Variants in CDH4 observed in about 807,000 individuals in gnomAD.
The protein encoded by CDH4 is cadherin 4, also known as cadherin-4.
A neutral mutation model predicts 86.0 loss-of-function variants in CDH4; 33 were observed. The ratio of observed to expected loss-of-function variants is 0.38; its 90% confidence interval spans 0.29 to 0.51. The LOEUF (loss-of-function observed/expected upper bound fraction) is 0.51, where lower values mean the gene tolerates loss of function less well. Ranked by LOEUF, CDH4 falls within the 20% of genes least tolerant of loss-of-function variation. The pLI is 0.86. For missense variants in CDH4, 1,114 were observed against 1,307.4 expected, an observed-to-expected ratio of 0.85 and a Z score of 2.28; for synonymous variants, 555 against 549.4, an observed-to-expected ratio of 1.01 and a Z score of -0.14.
intron 2 of CDH4, among the ~76,000 whole-genome samples, chr20:61,396,407 A>G (rs751700662): frequency 6.6e-6 from 1 of 152,170 alleles, no homozygotes; most frequent in Non-Finnish European, 1.5e-5. Flanking sequence ...GCTCAGGAGG[A>G]TCTGGAAAGC....
rs142150979 is a variant in CDH4, at chr20:61,323,064, G to A, written c.169+68127G>A. Reference sequence around the variant, plus strand: ...GGGCCTGAGCTTATCTGCCCAGGACGCACTGCCGGATATACCCCTCGCCTC... The same window carrying A: ...GGGCCTGAGCTTATCTGCCCAGGACACACTGCCGGATATACCCCTCGCCTC... On this transcript the variant is annotated intron_variant, in intron 2 of 15. Coordinates refer to ENST00000614565, the MANE Select transcript of CDH4 (RefSeq NM_001794.5). Among the ~76,000 whole-genome samples, 1,246 of 152,268 alleles carry A rather than the reference G, an allele frequency of 8.2e-3. 9 individuals carry two copies. The highest frequency in any genetic ancestry group is 0.013 in the Non-Finnish European group (894 of 68,024).
chr20:61,634,957 C>T (rs1169605822), intron 2 of CDH4, among the ~76,000 whole-genome samples: 1 of 152,130 alleles, frequency 6.6e-6, no homozygotes, highest in Non-Finnish European at 1.5e-5. Context: ...TGTTCCGAAG[C>T]GTGTGTCGGA....
intron 4 of CDH4, 67 bp downstream of exon 4, chr20:61,773,249 C>A: frequency 7.0e-7 from 1 of 1,420,256 alleles, no homozygotes; most frequent in Non-Finnish European, 9.4e-7. Flanking sequence ...CTCCCGACAT[C>A]CCAAAGCCAG....
intron 2 of CDH4, among the ~76,000 whole-genome samples, chr20:61,320,363 C>G (rs2084501338): frequency 6.6e-6 from 1 of 152,206 alleles, no homozygotes; most frequent in East Asian, 1.9e-4. Context: ...TTTTTCTAGT[C>G]CCTGGGGGCT....
intron 2 of CDH4, among the ~76,000 whole-genome samples, chr20:61,272,099 GT>G (rs1375491917): frequency 6.6e-6 from 1 of 152,214 alleles, no homozygotes; most frequent in Non-Finnish European, 1.5e-5. Flanking sequence ...CCCAAGAAGA[GT>G]TTTTTCATGC....
Position 61,565,405 on chromosome 20 carries a change from C to CTGGTGCTCTT in CDH4, c.170-178158_170-178157insTGGTGCTCTT, listed in dbSNP as rs60747414. Reference sequence around the variant, plus strand: ...CTTGGTGATGGGGTGATGGTGGTGGCGGTGCTCTTGCTATTGTTGTTGCTG... The same window carrying CTGGTGCTCTT: ...CTTGGTGATGGGGTGATGGTGGTGGCTGGTGCTCTTGGTGCTCTTGCTATTGTTGTTGCTG... On this transcript the variant is annotated intron_variant, in intron 2 of 15. Transcript: ENST00000614565. Among the ~76,000 whole-genome samples the CTGGTGCTCTT allele has an allele frequency of 6.2e-4, 13 of 21,010 alleles. 3 individuals are homozygous for CTGGTGCTCTT. Among genetic ancestry groups the CTGGTGCTCTT allele is most frequent in the South Asian group, 5.8e-3 (3 of 518 alleles). 13.8% of individuals were successfully genotyped at this position (21,010 alleles called of 152,430 possible). A position where few individuals can be genotyped will look rare whatever the true frequency, so the allele number is the denominator to read the frequency against.
At chr20:61,545,171 G>A (rs1455702816) in intron 2 of CDH4, among the ~76,000 whole-genome samples, 14 of 152,256 alleles carry the variant, frequency 9.2e-5, no homozygotes. Context: ...GCAGCATCGG[G>A]ACAACGTGGC....
chr20:61,723,455 G>C (rs899000583), intron 2 of CDH4, among the ~76,000 whole-genome samples: 1 of 152,168 alleles, frequency 6.6e-6, no homozygotes, highest in African/African-American at 2.4e-5. Context: ...AGCCTCCTCC[G>C]GGCTTGGCTT....
intron 2 of CDH4, among the ~76,000 whole-genome samples, chr20:61,315,200 G>A (rs1187908189): frequency 2.0e-5 from 3 of 152,072 alleles, no homozygotes; most frequent in African/African-American, 7.2e-5. Context: ...TGATTGAATG[G>A]GTTGGGTGGG....
At chr20:61,735,116 G>C (rs1301713084) in intron 2 of CDH4, among the ~76,000 whole-genome samples, 1 of 152,108 alleles carries the variant, frequency 6.6e-6, no homozygotes, top group African/African-American at 2.4e-5. Flanking sequence ...GGCTGATCTG[G>C]AGATCTCTGT....
intron 3 of CDH4, among the ~76,000 whole-genome samples, chr20:61,770,808 G>C (rs1406133927): frequency 6.6e-6 from 1 of 150,846 alleles, no homozygotes; most frequent in Non-Finnish European, 1.5e-5. Flanking sequence ...GCATGAGCCC[G>C]GGAGGCGGTG....
chr20:61,371,340 T>A (rs2084839095), intron 2 of CDH4, among the ~76,000 whole-genome samples: 1 of 152,008 alleles, frequency 6.6e-6, no homozygotes. Context: ...GAGGCCGGGG[T>A]TGGATGAAGG....
chr20:61,341,551 T>C (rs1351178097), intron 2 of CDH4, among the ~76,000 whole-genome samples: 3 of 146,644 alleles, frequency 2.0e-5, no homozygotes, highest in South Asian at 2.2e-4. Flanking sequence ...GATGAAATGG[T>C]GTTGAGAAAG....
Position 61,681,954 on chromosome 20 carries a change from G to A in CDH4, c.170-61609G>A, listed in dbSNP as rs557823947. Among the ~76,000 whole-genome samples, 1 of 152,358 alleles carries A rather than the reference G, an allele frequency of 6.6e-6. No individual in the cohort carries two copies. Among genetic ancestry groups the A allele is most frequent in the Admixed American group, 6.5e-5 (1 of 15,306 alleles). Reference sequence around the variant, plus strand: ...TGCCTGTGACCCCAGGGCAATCTGGGTTGTCATTGCAGAAGGAAGCCCAGT... The same window carrying A: ...TGCCTGTGACCCCAGGGCAATCTGGATTGTCATTGCAGAAGGAAGCCCAGT... On this transcript the variant is annotated intron_variant, in intron 2 of 15. Transcript: ENST00000614565. This position sits in a 1 kb window ranked among gnomAD's most constrained non-coding sequence, Gnocchi z 4.5.
intron 2 of CDH4, among the ~76,000 whole-genome samples, chr20:61,542,597 T>G (rs1224104223): frequency 3.3e-5 from 5 of 152,180 alleles, no homozygotes; most frequent in African/African-American, 1.2e-4. Context: ...TCCACTATAT[T>G]GGGGAATTTT....
chr20:61,929,788 G>A lies in CDH4; in HGVS notation c.2185G>A (p.Gly729Ser). 1 of 1,614,054 alleles carries A rather than the reference G, an allele frequency of 6.2e-7. No homozygotes were observed. Among genetic ancestry groups the A allele is most frequent in the Non-Finnish European group, 8.5e-7 (1 of 1,180,036 alleles). ...CTTIGAVAAA[G>S]LGTGAIVAIL... ...CACCATTGGCGCAGTGGCAGCGGCT[G>A]GTCTGGGCACCGGTGCCATCGTGGC... The change falls in exon 13 of 16, where the codon GGT (glycine) becomes AGT (serine). Residue 729 changes from glycine (G) to serine (S), a missense_variant. Transcript: ENST00000614565.
intron 2 of CDH4, among the ~76,000 whole-genome samples, chr20:61,527,316 C>T (rs1359779166): frequency 6.6e-6 from 1 of 151,826 alleles, no homozygotes; most frequent in African/African-American, 2.4e-5. Context: ...AGTGGCAAAT[C>T]TTGGCTCACT....
intron 2 of CDH4, among the ~76,000 whole-genome samples, chr20:61,491,412 G>T (rs1005079069): frequency 5.3e-5 from 8 of 152,158 alleles, no homozygotes; most frequent in Non-Finnish European, 1.2e-4. Flanking sequence ...TGTATGACTC[G>T]TGATGCTGGT....
chr20:61,846,731 C>T (rs953990794), intron 5 of CDH4, among the ~76,000 whole-genome samples: 3 of 152,230 alleles, frequency 2.0e-5, no homozygotes, highest in African/African-American at 7.2e-5. Flanking sequence ...CCCTTCAACT[C>T]TGTGAATTCC....
Sources: gnomAD v4.1 joint callset for allele counts (sites outside exome capture counted in the v4.1 genomes callset) on GRCh38, gnomAD v4.1.1 for gene constraint, Gnocchi (gnomAD v3.1) non-coding constraint, MANE v1.5 for transcripts, NCBI Gene and HGNC (gene_info 2026-07-23, HGNC 2026-07-21) for gene names.